Variants in BSG observed in about 807,000 individuals in gnomAD.
BSG encodes the protein basigin (Ok blood group), also known as basigin.
A neutral mutation model predicts 43.1 loss-of-function variants in BSG; 37 were observed. The ratio of observed to expected loss-of-function variants is 0.86; its 90% CI spans 0.66 to 1.13. The LOEUF is 1.13. Ranked by LOEUF, BSG falls within the 50% of genes most tolerant of loss-of-function variation. The probability of loss-of-function intolerance (pLI) is 0.00; values close to 1 mark genes in which losing one functional copy is unlikely to be tolerated. For missense variants in BSG, 599 were observed against 554.2 expected (o/e 1.08, Z -0.81); for synonymous variants, 309 against 238.7 (o/e 1.29, Z -2.72).
chr19:574,450 G>T (rs373752099), intron 1 of BSG, among the ~76,000 whole-genome samples: 7 of 152,186 alleles, frequency 4.6e-5, no homozygotes, highest in African/African-American at 1.4e-4. Context: ...CTGCTAGGGA[G>T]TCTGAGGCAG....
At chr19:578,396 G>A (rs140396239) in intron 2 of BSG, among the ~76,000 whole-genome samples, 4 of 152,164 alleles carry the variant, frequency 2.6e-5, no homozygotes, top group African/African-American at 7.2e-5. Flanking sequence ...CATCCGTTCC[G>A]TCGTTTCTGC....
intron 1 of BSG, among the ~76,000 whole-genome samples, chr19:576,931 A>T (rs945734186): frequency 2.7e-5 from 4 of 149,902 alleles, no homozygotes; most frequent in Non-Finnish European, 4.4e-5. Flanking sequence ...GCACGTGTGT[A>T]TGTGTTGTGT....
rs771533283 is a variant in BSG at position 579,510 on chromosome 19, C to G, written c.426C>G (p.Val142=). 1 of 1,612,670 alleles carries G rather than the reference C, an allele frequency of 6.2e-7. No homozygotes were observed. Among genetic ancestry groups the G allele is most frequent in the Non-Finnish European group, 8.5e-7 (1 of 1,179,922 alleles). ...CGCCGGGCCTTGCAGCCGGCACAGT[C>G]TTCACTACCGTAGAAGACCTTGGCT... is the stretch of plus-strand genomic sequence containing the variant. ...AVVLVLEPGT[V]FTTVEDLGSK... is the part of the protein sequence containing the mutation. Residue 142 remains valine (V), a synonymous_variant, in exon 3 of 9, where the codon GTC becomes GTG. Coordinates refer to ENST00000333511, the MANE Select transcript of BSG (RefSeq NM_001728.4).
At chr19:571,782 C>A, upstream of BSG, 1 of 598,618 alleles carries the variant, frequency 1.7e-6, no homozygotes, top group Non-Finnish European at 3.0e-6. Flanking sequence ...TCTGTCCTTT[C>A]CCTGTTGGCT....
At chr19:578,333 C>T in intron 2 of BSG, 1 of 468,922 alleles carries the variant, frequency 2.1e-6, no homozygotes. Flanking sequence ...TCGGGGCAGG[C>T]AGGGCTCTGC....
At chr19:581,786 G>A (rs376756373) in intron 6 of BSG, among the ~76,000 whole-genome samples, 195 bp downstream of exon 6, 19 of 152,368 alleles carry the variant, frequency 1.2e-4, no homozygotes, top group Admixed American at 1.1e-3. Flanking sequence ...AGTGGGCAGC[G>A]GGACCCCGGG....
chr19:579,261 TC>T, intron 2 of BSG: 1 of 479,958 alleles, frequency 2.1e-6, no homozygotes, highest in East Asian at 5.0e-5. Context: ...AAGGGTGCCT[TC>T]CCGAAGGGGG....
At position 582,331 on chromosome 19, in the gene BSG, G is replaced by C; in HGVS notation, c.1094+1G>C. 1 of 1,597,710 alleles carries C rather than the reference G, an allele frequency of 6.3e-7. No individual in the cohort carries two copies. The highest frequency in any genetic ancestry group is 2.2e-5 in the East Asian group (1 of 44,804). On this transcript the variant is annotated splice_donor_variant, in intron 7 of 8. Transcript: ENST00000333511. LOFTEE classifies it high-confidence loss of function. The stretch of plus-strand genomic sequence containing the variant: ...ATGACGACGCCGGCTCTGCACCCCT[G>C]TAAGTTCCAGCTGTGGGGGTCGGGG...
upstream of BSG, chr19:571,770 C>A (rs55706133): frequency 1.4e-4 from 86 of 624,432 alleles, no homozygotes; most frequent in African/African-American, 1.5e-3. Flanking sequence ...AGCTTCTGTT[C>A]CTCTGTCCTT....
In BSG at chr19:581,320, C is replaced by T. The variant is rs1982295026; in HGVS notation, c.798C>T (p.Leu266=). The T allele has an allele frequency of 6.2e-7, 1 of 1,611,772 alleles. No homozygotes were observed. The highest frequency in any genetic ancestry group is 1.3e-5 in the African/African-American group (1 of 74,898). The change falls in exon 6 of 9, where the codon CTC becomes CTT. Residue 266 remains leucine, a synonymous_variant. Transcript: ENST00000333511. ...YKITDSEDKA[L]MNGSESRFFV... ...CCTTGCCTTTGGTCCCCTAGGCCCT[C>T]ATGAACGGCTCCGAGAGCAGGTTCT...
At chr19:578,285 G>T in intron 2 of BSG, 164 bp downstream of exon 2, 2 of 703,984 alleles carry the variant, frequency 2.8e-6, no homozygotes, top group Non-Finnish European at 4.3e-6. Flanking sequence ...TGAAGGGGGT[G>T]GGCTCGCCGC....
At chr19:576,089 C>T (rs1351803698) in intron 1 of BSG, among the ~76,000 whole-genome samples, 11 of 152,238 alleles carry the variant, frequency 7.2e-5, no homozygotes, top group Admixed American at 2.0e-4. Context: ...GCGGGAGCAC[C>T]GGGACCGGTG....
chr19:572,626 A>T lies in BSG; in HGVS notation c.-9A>T. On this transcript the variant is annotated 5_prime_UTR_variant, in exon 1 of 9. Transcript: ENST00000333511. ...TTGGAGGTTGTAGGACCGGCGAGGA[A>T]TAGGAATCATGGCGGCTGCGCTGTT... is the stretch of plus-strand genomic sequence containing the variant. 6.7e-7 allele frequency: 1 copy of T among 1,498,734 alleles called. No homozygotes were observed. Among genetic ancestry groups the T allele is most frequent in the Non-Finnish European group, 8.9e-7 (1 of 1,121,568 alleles). 92.8% of individuals were successfully genotyped at this position (1,498,734 alleles called of 1,614,324 possible). A position where few individuals can be genotyped will look rare whatever the true frequency, so the allele number is the denominator to read the frequency against.
intron 1 of BSG, among the ~76,000 whole-genome samples, chr19:576,787 G>A (rs1981814536): frequency 1.3e-5 from 2 of 151,670 alleles, no homozygotes; most frequent in African/African-American, 2.4e-5. Context: ...AGAAAATGGC[G>A]CTGCCAAAAC....
intron 3 of BSG, chr19:579,976 G>A (rs1455852007): frequency 7.0e-6 from 3 of 430,674 alleles, no homozygotes; most frequent in Non-Finnish European, 1.3e-5. Flanking sequence ...CCTGGCACAA[G>A]AGGGCACCAC....
In BSG at chr19:580,771, T is replaced by C; in HGVS notation, c.781T>C (p.Ser261Pro). ...TDWAWYKITDSEDKALMNGSE... is the reference protein window; with the variant it reads ...TDWAWYKITDPEDKALMNGSE... The stretch of plus-strand genomic sequence containing the variant: ...CTGGGCCTGGTACAAGATCACTGAC[T>C]CTGAGGACAAGGTGAGAAGCCAAGG... Residue 261 changes from serine to proline, a missense_variant, in exon 5 of 9, where the codon TCT (serine) becomes CCT (proline). Ser to Pro is a moderately conservative substitution (Grantham distance 74). Coordinates refer to ENST00000333511, the MANE Select transcript of BSG (RefSeq NM_001728.4). 1 of 1,603,346 alleles carries C rather than the reference T, an allele frequency of 6.2e-7. No individual in the cohort carries two copies. Among genetic ancestry groups the C allele is most frequent in the South Asian group, 1.1e-5 (1 of 90,232 alleles).
chr19:580,549 GC>G, intron 4 of BSG, 88 bp downstream of exon 4: 2 of 1,603,752 alleles, frequency 1.2e-6, no homozygotes. Context: ...CAGAGCCCTG[GC>G]CCCCTGCTCC....
At chr19:572,742 G>A in intron 1 of BSG, 41 bp downstream of exon 1, 1 of 1,416,312 alleles carries the variant, frequency 7.1e-7, no homozygotes, top group Admixed American at 2.9e-5. Flanking sequence ...TCCTGCAGGG[G>A]CCGGGAATGG....
rs1284177861 is a variant in BSG, at chr19:578,136, C to T, written c.415+15C>T. 44 of 1,518,262 alleles carry T rather than the reference C, an allele frequency of 2.9e-5. No individual in the cohort carries two copies. The highest frequency in any genetic ancestry group is 3.6e-5 in the Non-Finnish European group (41 of 1,127,986). 94.0% of individuals were successfully genotyped at this position (1,518,262 alleles called of 1,614,324 possible). ...AGTCCTGGAACGTGAGTGGCGGGCA[C>T]CTCCCTCCCCGCCTCCCTCAGTTTC... On this transcript the variant is annotated intron_variant, in intron 2 of 8. Transcript: ENST00000333511.
Sources: allele counts gnomAD v4.1 joint callset (sites outside exome capture counted in the v4.1 genomes callset), GRCh38; gene constraint gnomAD v4.1.1; transcripts MANE v1.5; gene names NCBI Gene and HGNC (gene_info 2026-07-23, HGNC 2026-07-21).